OTUD3: variants seen among roughly 807,000 people sequenced by gnomAD.
The protein encoded by OTUD3 is OTU domain-containing protein 3.
In OTUD3, 24 loss-of-function variants were observed where a neutral mutation model predicts 46.2. That is an observed-to-expected ratio of 0.52 (90% CI 0.38 to 0.73). The LOEUF (loss-of-function observed/expected upper bound fraction) is 0.73, where lower values mean the gene tolerates loss of function less well. Among genes scored for constraint, OTUD3 ranks in the 30% least tolerant of loss-of-function variants. The probability of loss-of-function intolerance (pLI) is 0.00; values close to 1 mark genes in which losing one functional copy is unlikely to be tolerated. For synonymous variants in OTUD3, 189 were observed against 195.4 expected (o/e 0.97, Z 0.27); for missense variants, 455 against 523.3 (o/e 0.87, Z 1.27).
Position 19,891,912 on chromosome 1 carries a change from T to C in OTUD3, c.370+1379T>C, listed in dbSNP as rs115059580. 5.9e-3 allele frequency among the ~76,000 whole-genome samples: 900 copies of C among 152,340 alleles called. 14 individuals are homozygous for C. The highest frequency in any genetic ancestry group is 0.02 in the African/African-American group (825 of 41,576). ...TACTGGATAGTCAGCAGTTTACAAA[T>C]TAAATGTTTGTATATGGGACAAATT... is the stretch of plus-strand genomic sequence containing the variant. On this transcript the variant is annotated intron_variant, in intron 2 of 7. Transcript: ENST00000375120.
chr1:19,902,350 G>T (rs1234379147), intron 4 of OTUD3, among the ~76,000 whole-genome samples: 1 of 151,930 alleles, frequency 6.6e-6, no homozygotes, highest in Non-Finnish European at 1.5e-5. Flanking sequence ...GGACTACAGG[G>T]ACCCACCGCC....
intron 1 of OTUD3, among the ~76,000 whole-genome samples, chr1:19,885,910 T>C (rs1347259612): frequency 6.6e-6 from 1 of 152,242 alleles, no homozygotes; most frequent in Non-Finnish European, 1.5e-5. Context: ...AGCATGTTCA[T>C]TGTTGGCAAT....
At chr1:19,905,420 A>G (rs140391225) in intron 6 of OTUD3, among the ~76,000 whole-genome samples, 1 of 152,140 alleles carries the variant, frequency 6.6e-6, no homozygotes, top group African/African-American at 2.4e-5. Flanking sequence ...ATTTGAACCA[A>G]GTATAATTTT....
chr1:19,897,747 A>G (rs2045536696), intron 4 of OTUD3, 85 bp downstream of exon 4: 1 of 1,351,766 alleles, frequency 7.4e-7, no homozygotes. Context: ...AAAAACCAGT[A>G]ATGTTTTTGT....
Position 19,882,545 on chromosome 1 carries a change from C to T in OTUD3, c.32C>T (p.Pro11Leu), listed in dbSNP as rs2045281969. Residue 11 changes from proline to leucine, a missense_variant, in exon 1 of 8, where the codon CCG becomes CTG. By Grantham distance (98) the Pro-to-Leu change is moderately conservative. Coordinates refer to ENST00000375120, the MANE Select transcript of OTUD3 (RefSeq NM_015207.2). ...CGAAAGCAGGCGGCGAAGAGCCGGC[C>T]GGGCAGCGGCAGCCGGAAAGCCGAG... is the stretch of plus-strand genomic sequence containing the variant. MSRKQAAKSR[P>L]GSGSRKAEAE... 7.4e-7 allele frequency: 1 copy of T among 1,345,574 alleles called. No individual in the cohort carries two copies. The highest frequency in any genetic ancestry group is 3.1e-5 in the East Asian group (1 of 32,548). 83.4% of individuals were successfully genotyped at this position (1,345,574 alleles called of 1,614,324 possible). A position where few individuals can be genotyped will look rare whatever the true frequency, so the allele number is the denominator to read the frequency against.
intron 2 of OTUD3, among the ~76,000 whole-genome samples, chr1:19,893,930 CT>C (rs1405514045): frequency 6.6e-6 from 1 of 152,208 alleles, no homozygotes; most frequent in Non-Finnish European, 1.5e-5. Flanking sequence ...GCTCTTTGAC[CT>C]TGGCACAGTT....
At chr1:19,892,988 C>G (rs2045468141) in intron 2 of OTUD3, among the ~76,000 whole-genome samples, 1 of 152,130 alleles carries the variant, frequency 6.6e-6, no homozygotes, top group South Asian at 2.1e-4. Flanking sequence ...ATTCTCAGTT[C>G]CTGCCATATT....
At position 19,910,150 on chromosome 1, in the gene OTUD3, G is replaced by A. The variant is rs577608231; in HGVS notation, c.*2404G>A. The A allele has an allele frequency of 6.6e-6, 1 of 152,482 alleles. No homozygotes were observed. Among genetic ancestry groups the A allele is most frequent in the East Asian group, 1.9e-4 (1 of 5,322 alleles). 9.4% of individuals were successfully genotyped at this position (152,482 alleles called of 1,614,324 possible). Reference sequence around the variant, plus strand: ...GGCAGCCCGAGTGGAGGCCCAGTATGTCTAGTCCTGGGATGACTGTTGTCA... The same window carrying A: ...GGCAGCCCGAGTGGAGGCCCAGTATATCTAGTCCTGGGATGACTGTTGTCA... On this transcript the variant is annotated 3_prime_UTR_variant, in exon 8 of 8. Transcript: ENST00000375120.
chr1:19,907,276 A>G (rs1362730244), intron 7 of OTUD3, among the ~76,000 whole-genome samples: 1 of 152,160 alleles, frequency 6.6e-6, no homozygotes, highest in African/African-American at 2.4e-5. Flanking sequence ...GCATTAAATT[A>G]TGTGGGGAAA....
intron 3 of OTUD3, among the ~76,000 whole-genome samples, 162 bp from the exon 4 acceptor site, chr1:19,897,375 AAGG>A (rs1194471603): frequency 6.6e-6 from 1 of 152,184 alleles, no homozygotes. Context: ...CACGCATAGG[AAGG>A]AGGTAGTTTG....
chr1:19,885,274 T>C (rs535809072), intron 1 of OTUD3, among the ~76,000 whole-genome samples: 1 of 152,328 alleles, frequency 6.6e-6, no homozygotes, highest in African/African-American at 2.4e-5. Context: ...GTATTTCCTC[T>C]TGTGTGGGCT....
chr1:19,887,437 T>G (rs1009943236), intron 1 of OTUD3, among the ~76,000 whole-genome samples: 1 of 152,216 alleles, frequency 6.6e-6, no homozygotes, highest in Non-Finnish European at 1.5e-5. Flanking sequence ...TATTTTACAC[T>G]GATAGCACAC....
intron 2 of OTUD3, among the ~76,000 whole-genome samples, chr1:19,892,775 A>T (rs1412509767): frequency 6.6e-6 from 1 of 152,114 alleles, no homozygotes; most frequent in East Asian, 1.9e-4. Context: ...TGATTTCCTC[A>T]GTCTGTTTTC....
Position 19,910,673 on chromosome 1 carries a change from A to G in OTUD3, c.*2927A>G, listed in dbSNP as rs1387637397. 1 of 152,390 alleles carries G rather than the reference A, an allele frequency of 6.6e-6. No individual in the cohort carries two copies. Among genetic ancestry groups the G allele is most frequent in the East Asian group, 1.9e-4 (1 of 5,338 alleles). The allele number at this position is 152,390 out of a possible 1,614,324, so 9.4% of individuals were successfully genotyped here. On this transcript the variant is annotated 3_prime_UTR_variant, in exon 8 of 8. Coordinates refer to ENST00000375120, the MANE Select transcript of OTUD3 (RefSeq NM_015207.2). ...TTATTAAGCTCTGAAAACACTTCCAATGCCAGTTTGATTCTGAGGGCTTGG... is the reference window on the plus strand; with the variant it reads ...TTATTAAGCTCTGAAAACACTTCCAGTGCCAGTTTGATTCTGAGGGCTTGG...
chr1:19,901,055 G>C (rs796860834), intron 4 of OTUD3, among the ~76,000 whole-genome samples: 1 of 151,616 alleles, frequency 6.6e-6, no homozygotes, highest in Non-Finnish European at 1.5e-5. Context: ...GATTACAGGC[G>C]CTCGCCACTA....
chr1:19,909,510 G>A lies in OTUD3; in HGVS notation c.*1764G>A, dbSNP rs1290893547. ...ATCTCTGTTGCCTTACTCTAAGGAA[G>A]TGGGATCGAGTGCGTTAGGATCTAT... On this transcript the variant is annotated 3_prime_UTR_variant, in exon 8 of 8. Transcript: ENST00000375120. 1.3e-5 allele frequency: 2 copies of A among 152,368 alleles called. No individual in the cohort carries two copies. Among genetic ancestry groups the A allele is most frequent in the Admixed American group, 1.3e-4 (2 of 15,280 alleles). The allele number at this position is 152,368 out of a possible 1,614,324, so 9.4% of individuals were successfully genotyped here.
rs2045689558 is a variant in OTUD3, at chr1:19,908,205, T to C, written c.*459T>C. 5 of 152,800 alleles carry C rather than the reference T, an allele frequency of 3.3e-5. No individual in the cohort carries two copies. Among genetic ancestry groups the C allele is most frequent in the Admixed American group, 3.3e-4 (5 of 15,328 alleles). The allele number at this position is 152,800 out of a possible 1,614,324, so 9.5% of individuals were successfully genotyped here. ...TTCATTCTCAAACAGATATATAGGG[T>C]AGCTTATAAATGATCTCCAACTCAG... On this transcript the variant is annotated 3_prime_UTR_variant, in exon 8 of 8. Coordinates refer to ENST00000375120, the MANE Select transcript of OTUD3 (RefSeq NM_015207.2).
intron 1 of OTUD3, among the ~76,000 whole-genome samples, chr1:19,884,313 T>G (rs2045324682): frequency 1.3e-5 from 2 of 152,164 alleles, no homozygotes; most frequent in South Asian, 4.1e-4. Context: ...CACAGGGAGT[T>G]GTAAACTCTT....
Position 19,882,610 on chromosome 1 carries a change from C to G in OTUD3, c.97C>G (p.Leu33Val), listed in dbSNP as rs2045284618. 6.9e-7 allele frequency: 1 copy of G among 1,447,650 alleles called. No individual in the cohort carries two copies. 89.7% of individuals were successfully genotyped at this position (1,447,650 alleles called of 1,614,324 possible). ...GGACGAGCGGGCGGCGCGCCGGGCCCTGGCCAAGGAGCGGCGGAATCGGCC... is the reference window on the plus strand; with the variant it reads ...GGACGAGCGGGCGGCGCGCCGGGCCGTGGCCAAGGAGCGGCGGAATCGGCC... ...KRDERAARRA[L>V]AKERRNRPES... is the part of the protein sequence containing the mutation. Residue 33 changes from leucine (L) to valine (V), a missense_variant, in exon 1 of 8, where the codon CTG (leucine) becomes GTG (valine). Physicochemically the swap from Leu to Val is conservative, Grantham distance 32. Transcript: ENST00000375120.
Sources: allele counts gnomAD v4.1 joint callset (sites outside exome capture counted in the v4.1 genomes callset), GRCh38; gene constraint gnomAD v4.1.1; transcripts MANE v1.5; gene names NCBI Gene and HGNC (gene_info 2026-07-23, HGNC 2026-07-21).